AMTN: variants seen among roughly 807,000 people sequenced by gnomAD.
AMTN encodes RSTI689.
Under a neutral mutation model 27.4 loss-of-function variants are expected in AMTN, and 29 were observed. The ratio of observed to expected loss-of-function variants is 1.06; its 90% CI spans 0.79 to 1.44. The LOEUF (loss-of-function observed/expected upper bound fraction) is 1.44. Among genes scored for constraint, AMTN ranks in the 40% most tolerant of loss-of-function variants. The pLI is 0.00. For synonymous variants in AMTN, 86 were observed against 95.7 expected (o/e 0.90, Z 0.59); for missense variants, 247 against 248.8 (o/e 0.99, Z 0.05).
At chr4:70,530,621 T>C (rs1479899139) in intron 7 of AMTN, among the ~76,000 whole-genome samples, 1 of 152,186 alleles carries the variant, frequency 6.6e-6, no homozygotes, top group Non-Finnish European at 1.5e-5. Context: ...GAACATACAA[T>C]AGCTGAATTG....
chr4:70,518,668 A>G lies in AMTN; in HGVS notation c.-16+14A>G. 1 of 859,730 alleles carries G rather than the reference A, an allele frequency of 1.2e-6. No individual in the cohort carries two copies. The highest frequency in any genetic ancestry group is 1.9e-6 in the Non-Finnish European group (1 of 520,716). The allele number at this position is 859,730 out of a possible 1,614,324, so 53.3% of individuals were successfully genotyped here. A position where few individuals can be genotyped will look rare whatever the true frequency, so the allele number is the denominator to read the frequency against. On this transcript the variant is annotated intron_variant, in intron 1 of 8. Transcript: ENST00000339336. ...GTGGACCCAAAGGTAACATTAATTG[A>G]CCATGTTTCAAGTAGAACTTTTGTT...
intron 8 of AMTN, among the ~76,000 whole-genome samples, chr4:70,531,728 T>C (rs1266384952): frequency 1.3e-5 from 2 of 152,216 alleles, no homozygotes; most frequent in African/African-American, 4.8e-5. Context: ...ACCAGGCTGG[T>C]CTGAAACTCC....
chr4:70,529,432 G>T (rs1028809502), intron 7 of AMTN, among the ~76,000 whole-genome samples: 1 of 151,892 alleles, frequency 6.6e-6, no homozygotes, highest in Non-Finnish European at 1.5e-5. Context: ...TTTTGTTTCC[G>T]TTTATTGCTA....
chr4:70,522,215 A>G (rs1735989390), intron 2 of AMTN, among the ~76,000 whole-genome samples: 1 of 152,172 alleles, frequency 6.6e-6, no homozygotes, highest in Non-Finnish European at 1.5e-5. Context: ...AAATAATACA[A>G]CTAGACCAAA....
Position 70,518,850 on chromosome 4 carries a change from T to C in AMTN, c.54+19T>C, listed in dbSNP as rs1735879859. On this transcript the variant is annotated intron_variant, in intron 2 of 8. Coordinates refer to ENST00000339336, the MANE Select transcript of AMTN (RefSeq NM_212557.4). The stretch of plus-strand genomic sequence containing the variant: ...ATTACCAGTAAGTATGTTATGTTTG[T>C]TTTATATGCCAGCCAGTTTCAACAG... The C allele has an allele frequency of 1.3e-6, 2 of 1,599,506 alleles. No homozygotes were observed. The highest frequency in any genetic ancestry group is 1.7e-6 in the Non-Finnish European group (2 of 1,166,718).
At chr4:70,531,961 G>T (rs1736235116) in intron 8 of AMTN, among the ~76,000 whole-genome samples, 1 of 152,240 alleles carries the variant, frequency 6.6e-6, no homozygotes, top group Admixed American at 6.5e-5. Flanking sequence ...TGGCCTGAAA[G>T]ATTTTTAATT....
chr4:70,518,798 G>A lies in AMTN; in HGVS notation c.21G>A (p.Leu7=). Residue 7 remains leucine, a synonymous_variant, in exon 2 of 9, where the codon CTG becomes CTA. Coordinates refer to ENST00000339336, the MANE Select transcript of AMTN (RefSeq NM_212557.4). Reference sequence around the variant, plus strand: ...GAAACATGAGGAGTACGATTCTACTGTTTTGTCTTCTAGGATCAACTCGGT... The same window carrying A: ...GAAACATGAGGAGTACGATTCTACTATTTTGTCTTCTAGGATCAACTCGGT... MRSTIL[L]FCLLGSTRSL... 1 of 1,609,340 alleles carries A rather than the reference G, an allele frequency of 6.2e-7. No homozygotes were observed. Among genetic ancestry groups the A allele is most frequent in the South Asian group, 1.1e-5 (1 of 90,982 alleles).
In AMTN at chr4:70,523,901, C is replaced by T. The variant is rs752376041; in HGVS notation, c.172C>T (p.Gln58Ter). 2 of 1,613,702 alleles carry T rather than the reference C, an allele frequency of 1.2e-6. No individual in the cohort carries two copies. The highest frequency in any genetic ancestry group is 1.7e-6 in the Non-Finnish European group (2 of 1,179,758). Residue 58 changes from glutamine (Q) to a stop codon, truncating the protein, a stop_gained, in exon 4 of 9, where the codon CAG becomes TAG. Coordinates refer to ENST00000339336, the MANE Select transcript of AMTN (RefSeq NM_212557.4). LOFTEE classifies it high-confidence loss of function. ...FPSLSLIPLT[Q>*]MLTLGPDLHL... The stretch of plus-strand genomic sequence containing the variant: ...TTCTTTAAGTCTGATACCATTAACA[C>T]AGATGCTCACACTGGGGCCAGATCT...
Position 70,529,204 on chromosome 4 carries a change from G to A in AMTN, c.351G>A (p.Glu117=). ...TTTAGGGCACTATCCTAAGCTCAGA[G>A]GAATTGGTAAAAAAAATAAAAATAC... ...LGAQGTILSS[E]ELPQIFTSLI... is the part of the protein sequence containing the mutation. Residue 117 remains glutamate, a synonymous_variant, in exon 7 of 9, where the codon GAG becomes GAA. Coordinates refer to ENST00000339336, the MANE Select transcript of AMTN (RefSeq NM_212557.4). 1 of 1,544,204 alleles carries A rather than the reference G, an allele frequency of 6.5e-7. No homozygotes were observed. Among genetic ancestry groups the A allele is most frequent in the African/African-American group, 1.4e-5 (1 of 71,662 alleles).
chr4:70,532,399 A>G, intron 8 of AMTN, 56 bp from the exon 9 acceptor site: 1 of 1,408,338 alleles, frequency 7.1e-7, no homozygotes, highest in Middle Eastern at 1.8e-4. Context: ...AGTAAAAGAT[A>G]TTTATGTTAA....
At chr4:70,521,640 CTTTTTTTTTTTT>C (rs763143860) in intron 2 of AMTN, among the ~76,000 whole-genome samples, 3 of 76,468 alleles carry the variant, frequency 3.9e-5, no homozygotes, top group Admixed American at 1.6e-4. Flanking sequence ...ACCAACCTCT[CTTTTTTTTTTTT>C]TTTTTTTTTT....
intron 8 of AMTN, 74 bp downstream of exon 8, chr4:70,531,374 GT>G: frequency 6.4e-7 from 1 of 1,573,158 alleles, no homozygotes; most frequent in Non-Finnish European, 8.7e-7. Context: ...GGAGTTCTTT[GT>G]CTTGCCTTGA....
At chr4:70,523,007 G>T (rs1736015516) in intron 3 of AMTN, among the ~76,000 whole-genome samples, 169 bp downstream of exon 3, 1 of 152,184 alleles carries the variant, frequency 6.6e-6, no homozygotes, top group Non-Finnish European at 1.5e-5. Context: ...GTGGGGAAAA[G>T]AACCGATATA....
chr4:70,528,862 T>G lies in AMTN; in HGVS notation c.330+104T>G, dbSNP rs1736155346. The G allele has an allele frequency of 4.1e-6, 4 of 967,924 alleles. No individual in the cohort carries two copies. In the Admixed American group the frequency reaches 1.2e-4, roughly 30 times the overall value. 60.0% of individuals were successfully genotyped at this position (967,924 alleles called of 1,614,324 possible). The stretch of plus-strand genomic sequence containing the variant: ...ATAGTTGTGAGGTTTCCAATGTACT[T>G]TGTACTGTATGGACACTGATAATCA... On this transcript the variant is annotated intron_variant, in intron 6 of 8. Coordinates refer to ENST00000339336, the MANE Select transcript of AMTN (RefSeq NM_212557.4).
chr4:70,529,403 T>C (rs1736167423), intron 7 of AMTN, among the ~76,000 whole-genome samples, 193 bp downstream of exon 7: 1 of 152,182 alleles, frequency 6.6e-6, no homozygotes, highest in African/African-American at 2.4e-5. Flanking sequence ...CAGCTACTTT[T>C]CTATTAATTT....
chr4:70,522,760 C>G lies in AMTN; in HGVS notation c.60C>G (p.Leu20=), dbSNP rs1736007918. 7 of 1,613,960 alleles carry G rather than the reference C, an allele frequency of 4.3e-6. No individual in the cohort carries two copies. In the East Asian group the frequency reaches 1.3e-4, roughly 31 times the overall value. The change falls in exon 3 of 9, where the codon CTC becomes CTG. Residue 20 remains leucine (L), a synonymous_variant. Coordinates refer to ENST00000339336, the MANE Select transcript of AMTN (RefSeq NM_212557.4). ...TGTATTTGTTTTCACAAAAGCAGCT[C>G]AAACCTGCTTTGGGACTCCCTCCCA... ...LLGSTRSLPQ[L]KPALGLPPTK...
At chr4:70,527,874 TATCA>T (rs1736132237) in intron 5 of AMTN, among the ~76,000 whole-genome samples, 2 of 152,316 alleles carry the variant, frequency 1.3e-5, no homozygotes, top group Non-Finnish European at 2.9e-5. Flanking sequence ...TTTAGTTTGT[TATCA>T]GTGACCCTTG....
intron 7 of AMTN, among the ~76,000 whole-genome samples, chr4:70,529,724 T>C (rs1464563258): frequency 6.6e-6 from 1 of 152,208 alleles, no homozygotes; most frequent in Non-Finnish European, 1.5e-5. Flanking sequence ...AACACTTCTA[T>C]GCATTCCTCC....
In AMTN at chr4:70,528,734, T is replaced by G; in HGVS notation, c.306T>G (p.Ile102Met). 1 of 1,606,390 alleles carries G rather than the reference T, an allele frequency of 6.2e-7. No homozygotes were observed. The highest frequency in any genetic ancestry group is 8.5e-7 in the Non-Finnish European group (1 of 1,177,726). ...TCTCATTTTTTCAGGTGTTACCAAT[T>G]TTTGTCACACAACTTGGAGCCCAGG... The part of the protein sequence containing the change: ...QQQLHPHVLP[I>M]FVTQLGAQGT... The change falls in exon 6 of 9, where the codon ATT becomes ATG. Residue 102 changes from isoleucine (I) to methionine (M), a missense_variant. By Grantham distance (10) the Ile-to-Met change is conservative (BLOSUM62 1). Transcript: ENST00000339336.
Sources: allele counts gnomAD v4.1 joint callset (sites outside exome capture counted in the v4.1 genomes callset), GRCh38; gene constraint gnomAD v4.1.1; transcripts MANE v1.5; gene names NCBI Gene and HGNC (gene_info 2026-07-23, HGNC 2026-07-21).